FRMD4B: variants seen among roughly 807,000 people sequenced by gnomAD.
FRMD4B encodes the protein FERM domain containing 4B, also known as FERM domain-containing protein 4B.
In FRMD4B, 74 loss-of-function variants were observed where a neutral mutation model predicts 141.5. The observed-to-expected ratio is 0.52, with a 90% CI of 0.43 to 0.63. The LOEUF (loss-of-function observed/expected upper bound fraction) is 0.63. FRMD4B is among the 30% of genes least tolerant of loss of function. FRMD4B has a pLI of 0.00. For synonymous variants in FRMD4B, 506 were observed against 467.9 expected (o/e 1.08, Z -1.05); for missense variants, 1,366 against 1,253.4 (o/e 1.09, Z -1.36).
intron 5 of FRMD4B, among the ~76,000 whole-genome samples, chr3:69,274,350 C>T (rs1413903359): frequency 6.6e-6 from 1 of 151,894 alleles, no homozygotes; most frequent in Non-Finnish European, 1.5e-5. Flanking sequence ...AGTACGATGC[C>T]CAGTATAGAG....
intron 1 of FRMD4B, among the ~76,000 whole-genome samples, chr3:69,356,837 C>T (rs1298815995): frequency 2.0e-5 from 3 of 152,028 alleles, no homozygotes; most frequent in Non-Finnish European, 4.4e-5. Flanking sequence ...GAGAGACATA[C>T]TCCAATGTCA....
intron 5 of FRMD4B, among the ~76,000 whole-genome samples, chr3:69,266,414 C>T (rs2093562435): frequency 6.6e-6 from 1 of 152,160 alleles, no homozygotes; most frequent in South Asian, 2.1e-4. Flanking sequence ...CAACCTCTGC[C>T]TCCCAGGTTC....
intron 11 of FRMD4B, among the ~76,000 whole-genome samples, chr3:69,207,190 A>G (rs902977421): frequency 6.6e-6 from 1 of 152,044 alleles, no homozygotes; most frequent in Non-Finnish European, 1.5e-5. Flanking sequence ...CTATAGTCCT[A>G]GCTACTTGAG....
chr3:69,181,474 C>G lies in FRMD4B; in HGVS notation c.2276G>C (p.Arg759Pro). ...CTTTGACCTCCTCCGACCCCTGGTG[C>G]GAGTGTCCAGGGTCTGGGTGGTGTA... ...PYYTTQTLDT[R>P]TRGRRRSKKQ... is the part of the protein sequence containing the mutation. The change falls in exon 21 of 23, where the codon CGC becomes CCC. Residue 759 changes from arginine to proline, a missense_variant. Transcript: ENST00000398540. 6.2e-7 allele frequency: 1 copy of G among 1,613,384 alleles called. No homozygotes were observed. The highest frequency in any genetic ancestry group is 8.5e-7 in the Non-Finnish European group (1 of 1,179,384).
intron 1 of FRMD4B, among the ~76,000 whole-genome samples, chr3:69,487,221 A>G (rs1177171126): frequency 6.6e-6 from 1 of 152,206 alleles, no homozygotes; most frequent in Admixed American, 6.5e-5. Context: ...GGCTGATCCC[A>G]GACTATAGGC....
intron 5 of FRMD4B, among the ~76,000 whole-genome samples, chr3:69,268,303 G>A (rs1377157941): frequency 1.3e-5 from 2 of 152,014 alleles, no homozygotes; most frequent in East Asian, 1.9e-4. Flanking sequence ...TGCAAGACAG[G>A]CAGGCAGCCT....
intron 1 of FRMD4B, among the ~76,000 whole-genome samples, chr3:69,486,103 C>T (rs964701929): frequency 3.3e-5 from 5 of 152,176 alleles, no homozygotes; most frequent in Non-Finnish European, 7.3e-5. Flanking sequence ...ATGTAGTTGC[C>T]ATGTTGGGCA....
chr3:69,461,623 C>CAAAAAAAAAAAA (rs58143332), intron 1 of FRMD4B, among the ~76,000 whole-genome samples: 6 of 43,450 alleles, frequency 1.4e-4, no homozygotes, highest in East Asian at 9.0e-4. Flanking sequence ...GACTCTGTCT[C>CAAAAAAAAAAAA]AAAAAAAAAA....
At chr3:69,200,685 G>A (rs1018278882) in intron 11 of FRMD4B, 2 of 1,266,608 alleles carry the variant, frequency 1.6e-6, no homozygotes, top group Non-Finnish European at 2.0e-6. Flanking sequence ...CCAGAAAAGA[G>A]ACCTTTCTAA....
chr3:69,412,655 C>T (rs1211071050), intron 2 of FRMD4B, among the ~76,000 whole-genome samples: 1 of 152,080 alleles, frequency 6.6e-6, no homozygotes, highest in African/African-American at 2.4e-5. Context: ...AGCATTCATT[C>T]TTTCCTACCC....
chr3:69,381,264 G>C (rs1704112109), intron 1 of FRMD4B, among the ~76,000 whole-genome samples: 1 of 152,220 alleles, frequency 6.6e-6, no homozygotes, highest in Non-Finnish European at 1.5e-5. Flanking sequence ...AATGGAAGAA[G>C]TGTTCAATTC....
chr3:69,425,000 T>C (rs1052717376), intron 2 of FRMD4B, among the ~76,000 whole-genome samples: 1 of 152,346 alleles, frequency 6.6e-6, no homozygotes. Flanking sequence ...TGCTTTTATG[T>C]ACTTTACCTC....
At chr3:69,362,328 C>A (rs543152020) in intron 1 of FRMD4B, among the ~76,000 whole-genome samples, 1 of 152,212 alleles carries the variant, frequency 6.6e-6, no homozygotes. Context: ...TGAACCTACA[C>A]AGTTTGGCTC....
intron 4 of FRMD4B, among the ~76,000 whole-genome samples, chr3:69,301,630 G>A (rs370700311): frequency 1.9e-4 from 29 of 152,068 alleles, no homozygotes; most frequent in African/African-American, 6.5e-4. Context: ...GTGCCTGGCC[G>A]GTATTACATC....
intron 1 of FRMD4B, among the ~76,000 whole-genome samples, chr3:69,541,778 C>G (rs1193984109): frequency 1.3e-5 from 2 of 150,202 alleles, no homozygotes; most frequent in Non-Finnish European, 3.0e-5. Flanking sequence ...CCTCTGCTAA[C>G]TCCAGGGATT....
intron 1 of FRMD4B, among the ~76,000 whole-genome samples, chr3:69,325,762 C>G (rs1702169406): frequency 1.3e-5 from 2 of 152,050 alleles, no homozygotes; most frequent in African/African-American, 4.8e-5. Flanking sequence ...AGTAATACAC[C>G]ATTTATTGAG....
intron 3 of FRMD4B, among the ~76,000 whole-genome samples, chr3:69,304,462 C>T (rs567034379): frequency 8.7e-4 from 116 of 133,432 alleles, no homozygotes; most frequent in Non-Finnish European, 1.4e-3. Context: ...CCAGCTTGCA[C>T]GACAGAGCAA....
intron 5 of FRMD4B, among the ~76,000 whole-genome samples, chr3:69,260,685 G>C (rs959975218): frequency 2.0e-5 from 3 of 152,254 alleles, no homozygotes; most frequent in African/African-American, 7.2e-5. Flanking sequence ...GCCCCAGCAC[G>C]GGATCCACTA....
At chr3:69,375,218 A>C in intron 1 of FRMD4B, among the ~76,000 whole-genome samples, 1 of 102,480 alleles carries the variant, frequency 9.8e-6, no homozygotes, top group Admixed American at 1.0e-4. Context: ...CATCCACCCC[A>C]TCCCATCCAT....
Sources: gnomAD v4.1 joint callset for allele counts (sites outside exome capture counted in the v4.1 genomes callset) on GRCh38, gnomAD v4.1.1 for gene constraint, MANE v1.5 for transcripts, NCBI Gene and HGNC (gene_info 2026-07-23, HGNC 2026-07-21) for gene names.